Variants in REM2 observed in about 807,000 individuals in gnomAD.
REM2 encodes the protein GTP-binding protein REM 2.
In REM2, 24 loss-of-function variants were observed where a neutral mutation model predicts 24.4. That is an observed-to-expected ratio of 0.98 (90% CI 0.71 to 1.38). REM2 has a LOEUF of 1.38. Ranked by LOEUF, REM2 falls within the 40% of genes most tolerant of loss-of-function variation. The pLI is 0.00. For synonymous variants in REM2, 187 were observed against 198.0 expected, an observed-to-expected ratio of 0.94 and a Z score of 0.47; for missense variants, 429 against 467.8, an observed-to-expected ratio of 0.92 and a Z score of 0.77.
rs1027708849 is a variant in REM2, at chr14:22,884,774, T to C, written c.204T>C (p.Ser68=). The part of the protein sequence containing the change: ...SAPGAPRRRG[S]MPVPYKHQLR... Reference sequence around the variant, plus strand: ...CTGGGGCCCCCAGACGAAGAGGCAGTATGCCTGTCCCCTACAAGCACCAGC... The same window carrying C: ...CTGGGGCCCCCAGACGAAGAGGCAGCATGCCTGTCCCCTACAAGCACCAGC... The change falls in exon 2 of 5, where the codon AGT becomes AGC. Residue 68 remains serine, a synonymous_variant. Coordinates refer to ENST00000267396, the MANE Select transcript of REM2 (RefSeq NM_173527.3). 1.2e-6 allele frequency: 2 copies of C among 1,613,940 alleles called. No homozygotes were observed. Among genetic ancestry groups the C allele is most frequent in the African/African-American group, 2.7e-5 (2 of 74,954 alleles).
rs2040143289 is a variant in REM2 at position 22,887,585 on chromosome 14, A to G, written c.*676A>G. On this transcript the variant is annotated 3_prime_UTR_variant, in exon 5 of 5. Transcript: ENST00000267396. Reference sequence around the variant, plus strand: ...GGGTGGACAGACTTTCTGCATTCAGATAATGAGCAGTGGCAACCCCTTTTG... The same window carrying G: ...GGGTGGACAGACTTTCTGCATTCAGGTAATGAGCAGTGGCAACCCCTTTTG... The G allele has an allele frequency of 6.6e-6, 1 of 152,246 alleles. No homozygotes were observed. Among genetic ancestry groups the G allele is most frequent in the South Asian group, 2.1e-4 (1 of 4,838 alleles). 9.4% of individuals were successfully genotyped at this position (152,246 alleles called of 1,614,324 possible).
At position 22,886,766 on chromosome 14, in the gene REM2, G is replaced by A. The variant is rs2040134369; in HGVS notation, c.880G>A (p.Gly294Ser). 2 of 1,547,594 alleles carry A rather than the reference G, an allele frequency of 1.3e-6. No homozygotes were observed. The highest frequency in any genetic ancestry group is 1.7e-6 in the Non-Finnish European group (2 of 1,146,054). Reference sequence around the variant, plus strand: ...CGCCGGAGGCCAGAGGCCCGATCCGGGCAGCCCCGAGGGCCCTGCGCCACC... The same window carrying A: ...CGCCGGAGGCCAGAGGCCCGATCCGAGCAGCCCCGAGGGCCCTGCGCCACC... Reference protein sequence around the residue: ...NHAGGQRPDPGSPEGPAPPAR... With the variant: ...NHAGGQRPDPSSPEGPAPPAR... Residue 294 changes from glycine (G) to serine (S), a missense_variant, in exon 5 of 5, where the codon GGC becomes AGC. Gly to Ser is a moderately conservative substitution (Grantham distance 56). Coordinates refer to ENST00000267396, the MANE Select transcript of REM2 (RefSeq NM_173527.3). This position sits in a 1 kb window ranked among gnomAD's most constrained non-coding sequence, Gnocchi z 5.9.
chr14:22,886,030 G>A lies in REM2; in HGVS notation c.526G>A (p.Ala176Thr). 1 of 1,613,796 alleles carries A rather than the reference G, an allele frequency of 6.2e-7. No individual in the cohort carries two copies. The highest frequency in any genetic ancestry group is 2.2e-5 in the East Asian group (1 of 44,886). The change falls in exon 4 of 5, where the codon GCA becomes ACA. Residue 176 changes from alanine (A) to threonine (T), a missense_variant. Physicochemically the swap from Ala to Thr is moderately conservative, Grantham distance 58. Transcript: ENST00000267396. This position sits in a 1 kb window ranked among gnomAD's most constrained non-coding sequence, Gnocchi z 5.9. The stretch of plus-strand genomic sequence containing the variant: ...TTCCTCTGCCTGTCTGCAGGGGGAT[G>A]CAGGAGGGTGGCTGCGGGACCACTG... ...VVYDIWEQGD[A>T]GGWLRDHCLQ...
Position 22,886,409 on chromosome 14 carries a change from C to A in REM2, c.727+178C>A, listed in dbSNP as rs1456608817. 4 of 720,666 alleles carry A rather than the reference C, an allele frequency of 5.6e-6. No individual in the cohort carries two copies. In the East Asian group the frequency reaches 8.1e-5, roughly 15 times the overall value. The allele number at this position is 720,666 out of a possible 1,614,324, so 44.6% of individuals were successfully genotyped here. ...GGATCCTGAGAATCCCTTCTTGTCA[C>A]TTCCCCTCACCTCTCTCCTAGGCCT... On this transcript the variant is annotated intron_variant, in intron 4 of 4. Coordinates refer to ENST00000267396, the MANE Select transcript of REM2 (RefSeq NM_173527.3). The surrounding 1 kb of genome is among the most constrained non-coding windows in gnomAD (Gnocchi z 5.9).
chr14:22,884,205 C>T (rs1595036875), intron 1 of REM2: 1 of 985,394 alleles, frequency 1.0e-6, no homozygotes, highest in East Asian at 1.1e-4. Context: ...AGACACTGGG[C>T]AGCAGTTTCA....
chr14:22,886,464 A>G lies in REM2; in HGVS notation c.728-150A>G. On this transcript the variant is annotated intron_variant, in intron 4 of 4. Transcript: ENST00000267396. The surrounding 1 kb of genome is among the most constrained non-coding windows in gnomAD (Gnocchi z 5.9). ...CTCCCTCTCCTTCGCACCTCCACAG[A>G]CCCACCATATGAGCTCAGCCATGTT... 1 of 781,616 alleles carries G rather than the reference A, an allele frequency of 1.3e-6. No homozygotes were observed. The highest frequency in any genetic ancestry group is 2.0e-6 in the Non-Finnish European group (1 of 501,048). The allele number at this position is 781,616 out of a possible 1,614,324, so 48.4% of individuals were successfully genotyped here. A position where few individuals can be genotyped will look rare whatever the true frequency, so the allele number is the denominator to read the frequency against.
At position 22,886,300 on chromosome 14, in the gene REM2, C is replaced by T; in HGVS notation, c.727+69C>T. 7.2e-7 allele frequency: 1 copy of T among 1,396,232 alleles called. No individual in the cohort carries two copies. The highest frequency in any genetic ancestry group is 1.0e-6 in the Non-Finnish European group (1 of 1,004,720). The allele number at this position is 1,396,232 out of a possible 1,614,324, so 86.5% of individuals were successfully genotyped here. ...TGCTCTCCCTTCCAAGTCACCTCTT[C>T]TCCCTAAGGCCTTTTTACCATCGCG... On this transcript the variant is annotated intron_variant, in intron 4 of 4. Coordinates refer to ENST00000267396, the MANE Select transcript of REM2 (RefSeq NM_173527.3). This position sits in a 1 kb window ranked among gnomAD's most constrained non-coding sequence, Gnocchi z 5.9.
Position 22,885,301 on chromosome 14 carries a change from G to T in REM2, c.481G>T (p.Glu161Ter), listed in dbSNP as rs770774317. 2 of 1,613,682 alleles carry T rather than the reference G, an allele frequency of 1.2e-6. No homozygotes were observed. The highest frequency in any genetic ancestry group is 1.7e-6 in the Non-Finnish European group (2 of 1,179,718). The part of the protein sequence containing the change: ...TYERRIMVDK[E>*]EVTLVVYDIW... ...TGAGAGACGCATCATGGTGGATAAGGAGGAAGTGACTCTAGTCGTTTATGA... is the reference window on the plus strand; with the variant it reads ...TGAGAGACGCATCATGGTGGATAAGTAGGAAGTGACTCTAGTCGTTTATGA... Residue 161 changes from glutamate to a stop codon, truncating the protein, a stop_gained, in exon 3 of 5, where the codon GAG becomes TAG. Coordinates refer to ENST00000267396, the MANE Select transcript of REM2 (RefSeq NM_173527.3). LOFTEE classifies it high-confidence loss of function.
chr14:22,884,836 C>T lies in REM2; in HGVS notation c.266C>T (p.Pro89Leu). 2 of 1,614,034 alleles carry T rather than the reference C, an allele frequency of 1.2e-6. No individual in the cohort carries two copies. The highest frequency in any genetic ancestry group is 1.1e-5 in the South Asian group (1 of 91,084). ...CAGGCTGTAGATGAACTTGACTGGC[C>T]ACCTCAGGCCTCATCCTCTGGCTCG... ...RAQAVDELDW[P>L]PQASSSGSSD... Residue 89 changes from proline (P) to leucine (L), a missense_variant, in exon 2 of 5, where the codon CCA (proline) becomes CTA (leucine). By Grantham distance (98) the Pro-to-Leu change is moderately conservative (BLOSUM62 -3). Coordinates refer to ENST00000267396, the MANE Select transcript of REM2 (RefSeq NM_173527.3).
chr14:22,885,297 T>A lies in REM2; in HGVS notation c.477T>A (p.Asp159Glu). The A allele has an allele frequency of 2.5e-6, 4 of 1,613,580 alleles. No individual in the cohort carries two copies. The highest frequency in any genetic ancestry group is 3.4e-6 in the Non-Finnish European group (4 of 1,179,584). The change falls in exon 3 of 5, where the codon GAT becomes GAA. Residue 159 changes from aspartate to glutamate, a missense_variant. Asp to Glu is a conservative substitution (Grantham distance 45). Transcript: ENST00000267396. ...CCTATGAGAGACGCATCATGGTGGA[T>A]AAGGAGGAAGTGACTCTAGTCGTTT... The part of the protein sequence containing the change: ...EDTYERRIMV[D>E]KEEVTLVVYD...
intron 3 of REM2, 151 bp from the exon 4 acceptor site, chr14:22,885,873 C>G (rs932206637): frequency 1.6e-6 from 1 of 627,890 alleles, no homozygotes; most frequent in Admixed American, 2.7e-5. Flanking sequence ...CACAAACACT[C>G]TGGGTAGGGA....
At chr14:22,884,449 G>T (rs1409948463) in intron 1 of REM2, 13 of 985,282 alleles carry the variant, frequency 1.3e-5, no homozygotes, top group Non-Finnish European at 1.6e-5. Flanking sequence ...ATAGGTTGGG[G>T]TTGGGACCGC....
intron 1 of REM2, 80 bp from the exon 2 acceptor site, chr14:22,884,594 G>C (rs2040103114): frequency 1.3e-6 from 2 of 1,489,134 alleles, no homozygotes; most frequent in African/African-American, 2.8e-5. Flanking sequence ...TACTGGAACA[G>C]CCTGGATTGA....
At chr14:22,884,109 A>AGCAC in intron 1 of REM2, 2 of 985,212 alleles carry the variant, frequency 2.0e-6, no homozygotes, top group African/African-American at 1.7e-5. Context: ...ACAGAGACCC[A>AGCAC]GCACGCACAT....
chr14:22,884,502 G>A, intron 1 of REM2, 172 bp from the exon 2 acceptor site: 3 of 985,432 alleles, frequency 3.0e-6, no homozygotes, highest in South Asian at 4.7e-5. Flanking sequence ...GGCTTCTGGA[G>A]ACTTTAGTGT....
In REM2 at chr14:22,886,393, G is replaced by A; in HGVS notation, c.727+162G>A. 1 of 772,002 alleles carries A rather than the reference G, an allele frequency of 1.3e-6. No individual in the cohort carries two copies. 47.8% of individuals were successfully genotyped at this position (772,002 alleles called of 1,614,324 possible). On this transcript the variant is annotated intron_variant, in intron 4 of 4. Transcript: ENST00000267396. This position sits in a 1 kb window ranked among gnomAD's most constrained non-coding sequence, Gnocchi z 5.9. Reference sequence around the variant, plus strand: ...CCAATGCCCCACTCGAGGATCCTGAGAATCCCTTCTTGTCACTTCCCCTCA... The same window carrying A: ...CCAATGCCCCACTCGAGGATCCTGAAAATCCCTTCTTGTCACTTCCCCTCA...
rs375873480 is a variant in REM2 at position 22,887,101 on chromosome 14, C to T, written c.*192C>T. On this transcript the variant is annotated 3_prime_UTR_variant, in exon 5 of 5. Transcript: ENST00000267396. ...GGCGGCACCTCCACACCCGCCCCAA[C>T]GCGTTCTCTGGAGCTTTGGGCCTCA... 6 of 440,954 alleles carry T rather than the reference C, an allele frequency of 1.4e-5. No homozygotes were observed. Among genetic ancestry groups the T allele is most frequent in the Admixed American group, 8.5e-5 (2 of 23,476 alleles). The allele number at this position is 440,954 out of a possible 1,614,324, so 27.3% of individuals were successfully genotyped here.
rs766492825 is a variant in REM2, at chr14:22,883,340, TC to T, written c.54del (p.Cys19AlafsTer23). On this transcript the variant is annotated frameshift_variant, in exon 1 of 5. Transcript: ENST00000267396. LOFTEE classifies it high-confidence loss of function. Reference protein sequence around the residue: ...DMDMDTETTALCPSGSRRASP... With the variant: ...DMDMDTETTAXCPSGSRRASP... The stretch of plus-strand genomic sequence containing the variant: ...GACATGGACACAGAAACCACAGCAC[TC>T]TGCCCCTCTGGCAGCCGCCGGGCCT... The T allele has an allele frequency of 6.4e-7, 1 of 1,560,576 alleles. No individual in the cohort carries two copies. Among genetic ancestry groups the T allele is most frequent in the Admixed American group, 1.9e-5 (1 of 51,850 alleles).
chr14:22,884,224 T>C, intron 1 of REM2: 3 of 985,394 alleles, frequency 3.0e-6, no homozygotes, highest in Non-Finnish European at 3.6e-6. Flanking sequence ...CAGCTTGTCA[T>C]CCTCTCTGCT....
Sources: gnomAD v4.1 joint callset for allele counts on GRCh38, gnomAD v4.1.1 for gene constraint, Gnocchi (gnomAD v3.1) non-coding constraint, MANE v1.5 for transcripts, NCBI Gene and HGNC (gene_info 2026-07-23, HGNC 2026-07-21) for gene names.